The following DEFB132 variants were observed in gnomAD, a reference collection of about 807,000 sequenced individuals.
The protein encoded by DEFB132 is defensin beta 132.
A neutral mutation model predicts 2.5 loss-of-function variants in DEFB132; 5 were observed. The observed-to-expected ratio is 2.00, with a 90% confidence interval of 1.04 to 4.20. DEFB132 has a LOEUF of 4.20. Ranked by LOEUF, DEFB132 falls within the 30% of genes most tolerant of loss-of-function variation. The pLI is 0.00. For synonymous variants in DEFB132, 53 were observed against 46.2 expected (o/e 1.15, Z -0.60); for missense variants, 112 against 110.0 (o/e 1.02, Z -0.08).
At position 259,192 on chromosome 20, in the gene DEFB132, C is replaced by G. The variant is rs2011613464; in HGVS notation, c.174C>G (p.Ser58Arg). Reference sequence around the variant, plus strand: ...ACGCTTCCAGAAAATGCTGCATCAGCTACTCCTTCCTGCCGAAGCCTGACC... The same window carrying G: ...ACGCTTCCAGAAAATGCTGCATCAGGTACTCCTTCCTGCCGAAGCCTGACC... ...MCNASRKCCI[S>R]YSFLPKPDLP... Residue 58 changes from serine (S) to arginine (R), a missense_variant, in exon 2 of 2, where the codon AGC becomes AGG. Physicochemically the swap from Ser to Arg is moderately radical, Grantham distance 110 (BLOSUM62 -1). Coordinates refer to ENST00000382376, the MANE Select transcript of DEFB132 (RefSeq NM_207469.3). 1 of 1,613,744 alleles carries G rather than the reference C, an allele frequency of 6.2e-7. No individual in the cohort carries two copies. Among genetic ancestry groups the G allele is most frequent in the Non-Finnish European group, 8.5e-7 (1 of 1,179,840 alleles).
chr20:258,963 T>A, intron 1 of DEFB132, 114 bp from the exon 2 acceptor site: 1 of 1,005,090 alleles, frequency 9.9e-7, no homozygotes, highest in African/African-American at 1.6e-5. Context: ...TTGCACAACA[T>A]CCTAAGGATA....
Position 257,912 on chromosome 20 carries a change from T to C in DEFB132, c.58+76T>C. 5 of 1,487,238 alleles carry C rather than the reference T, an allele frequency of 3.4e-6. No individual in the cohort carries two copies. The South Asian group carries it at 3.6e-5, about 11-fold the overall frequency. The allele number at this position is 1,487,238 out of a possible 1,614,324, so 92.1% of individuals were successfully genotyped here. ...CATATCTGGTTGCTCTGGTGATAGA[T>C]GAGCCAGGTTGGGTGGAGGCAGGGC... On this transcript the variant is annotated intron_variant, in intron 1 of 1. Transcript: ENST00000382376.
chr20:260,457 A>G lies in DEFB132; in HGVS notation c.*1151A>G, dbSNP rs1227360183. On this transcript the variant is annotated 3_prime_UTR_variant, in exon 2 of 2. Transcript: ENST00000382376. Reference sequence around the variant, plus strand: ...ACATAATAACATTATTCAAAATTGCATTTATGCTATAGTTGTCAAAATTGT... The same window carrying G: ...ACATAATAACATTATTCAAAATTGCGTTTATGCTATAGTTGTCAAAATTGT... The G allele has an allele frequency of 1.3e-5, 2 of 152,260 alleles. No individual in the cohort carries two copies. The highest frequency in any genetic ancestry group is 2.9e-5 in the Non-Finnish European group (2 of 68,046). The allele number at this position is 152,260 out of a possible 1,614,324, so 9.4% of individuals were successfully genotyped here.
Position 259,434 on chromosome 20 carries a change from T to C in DEFB132, c.*128T>C. On this transcript the variant is annotated 3_prime_UTR_variant, in exon 2 of 2. Transcript: ENST00000382376. ...AGATATCTATAGCCAACCCCAAAAC[T>C]TCTGTCTTCTATCATTCTGTCATTC... 2 of 937,176 alleles carry C rather than the reference T, an allele frequency of 2.1e-6. No homozygotes were observed. Among genetic ancestry groups the C allele is most frequent in the Non-Finnish European group, 3.1e-6 (2 of 636,330 alleles). 58.1% of individuals were successfully genotyped at this position (937,176 alleles called of 1,614,324 possible).
intron 1 of DEFB132, 107 bp downstream of exon 1, chr20:257,943 C>A: frequency 2.8e-6 from 3 of 1,085,194 alleles, no homozygotes; most frequent in East Asian, 2.6e-5. Flanking sequence ...AGGGCTCACC[C>A]CACTGAGTTC....
rs761948106 is a variant in DEFB132, at chr20:259,060, T to C, written c.59-17T>C. 76 of 1,613,204 alleles carry C rather than the reference T, an allele frequency of 4.7e-5. No individual in the cohort carries two copies. Among genetic ancestry groups the C allele is most frequent in the Middle Eastern group, 1.7e-4 (1 of 5,962 alleles). ...GCTTCTAACCATGACTTCTCTGTCT[T>C]GTCCTCTCCCATACAGCCAGTGCAG... On this transcript the variant is annotated splice_polypyrimidine_tract_variant and intron_variant, in intron 1 of 1. Coordinates refer to ENST00000382376, the MANE Select transcript of DEFB132 (RefSeq NM_207469.3).
At position 260,261 on chromosome 20, in the gene DEFB132, C is replaced by G. The variant is rs937521447; in HGVS notation, c.*955C>G. 6.6e-6 allele frequency: 1 copy of G among 152,124 alleles called. No individual in the cohort carries two copies. The highest frequency in any genetic ancestry group is 2.4e-5 in the African/African-American group (1 of 41,400). 9.4% of individuals were successfully genotyped at this position (152,124 alleles called of 1,614,324 possible). ...TTGCTTAATCCACTAAACATTACTT[C>G]TGGGAATTGGCTCATCATAAATTAT... On this transcript the variant is annotated 3_prime_UTR_variant, in exon 2 of 2. Coordinates refer to ENST00000382376, the MANE Select transcript of DEFB132 (RefSeq NM_207469.3).
chr20:259,630 A>G lies in DEFB132; in HGVS notation c.*324A>G, dbSNP rs757218158. On this transcript the variant is annotated 3_prime_UTR_variant, in exon 2 of 2. Coordinates refer to ENST00000382376, the MANE Select transcript of DEFB132 (RefSeq NM_207469.3). ...CACCTCTGATGGACAAAGGTGAGAC[A>G]GAGCAGCCACAGGCAGGGAGAGCCT... 1 of 368,040 alleles carries G rather than the reference A, an allele frequency of 2.7e-6. No homozygotes were observed. Among genetic ancestry groups the G allele is most frequent in the Non-Finnish European group, 5.2e-6 (1 of 193,998 alleles). 22.8% of individuals were successfully genotyped at this position (368,040 alleles called of 1,614,324 possible).
In DEFB132 at chr20:260,769, T is replaced by C. The variant is rs1489380012; in HGVS notation, c.*1463T>C. 2.0e-5 allele frequency: 3 copies of C among 152,190 alleles called. No homozygotes were observed. The highest frequency in any genetic ancestry group is 4.4e-5 in the Non-Finnish European group (3 of 68,034). The allele number at this position is 152,190 out of a possible 1,614,324, so 9.4% of individuals were successfully genotyped here. ...TCTAGATGGTTTTAAAATGACAGTG[T>C]AAAAGTAAAGTATTAAAAGATTGTG... On this transcript the variant is annotated 3_prime_UTR_variant, in exon 2 of 2. Coordinates refer to ENST00000382376, the MANE Select transcript of DEFB132 (RefSeq NM_207469.3).
Position 259,800 on chromosome 20 carries a change from C to T in DEFB132, c.*494C>T, listed in dbSNP as rs1600177130. 2.3e-5 allele frequency: 4 copies of T among 176,684 alleles called. No homozygotes were observed. Among genetic ancestry groups the T allele is most frequent in the Non-Finnish European group, 4.8e-5 (4 of 82,942 alleles). The allele number at this position is 176,684 out of a possible 1,614,324, so 10.9% of individuals were successfully genotyped here. On this transcript the variant is annotated 3_prime_UTR_variant, in exon 2 of 2. Coordinates refer to ENST00000382376, the MANE Select transcript of DEFB132 (RefSeq NM_207469.3). ...AAGCAAGGCTTGCCCCTCAGAGGAGCTCACGCAGGGCAGGAATAGCCAGGT... is the reference window on the plus strand; with the variant it reads ...AAGCAAGGCTTGCCCCTCAGAGGAGTTCACGCAGGGCAGGAATAGCCAGGT...
rs529234994 is a variant in DEFB132 at position 260,205 on chromosome 20, T to C, written c.*899T>C. The C allele has an allele frequency of 6.6e-6, 1 of 152,218 alleles. No individual in the cohort carries two copies. Among genetic ancestry groups the C allele is most frequent in the African/African-American group, 2.4e-5 (1 of 41,456 alleles). 9.4% of individuals were successfully genotyped at this position (152,218 alleles called of 1,614,324 possible). A position where few individuals can be genotyped will look rare whatever the true frequency, so the allele number is the denominator to read the frequency against. ...GGCATAATCCTCTTGGGAAGCTGTGTGGAAATAAGCACAGAGAAGCAGAAC... is the reference window on the plus strand; with the variant it reads ...GGCATAATCCTCTTGGGAAGCTGTGCGGAAATAAGCACAGAGAAGCAGAAC... On this transcript the variant is annotated 3_prime_UTR_variant, in exon 2 of 2. Transcript: ENST00000382376.
chr20:259,079 A>C lies in DEFB132; in HGVS notation c.61A>C (p.Ser21Arg). 1 of 1,614,112 alleles carries C rather than the reference A, an allele frequency of 6.2e-7. No individual in the cohort carries two copies. The highest frequency in any genetic ancestry group is 8.5e-7 in the Non-Finnish European group (1 of 1,180,008). ...CTGTCTTGTCCTCTCCCATACAGCC[A>C]GTGCAGGTGGGTCAAAATGTGTGAG... Reference protein sequence around the residue: ...LGFLTQVIPASAGGSKCVSNT... With the variant: ...LGFLTQVIPARAGGSKCVSNT... Residue 21 changes from serine to arginine, a missense_variant and splice_region_variant, in exon 2 of 2, where the codon AGT becomes CGT. Transcript: ENST00000382376.
At chr20:258,764 C>G (rs1342010051) in intron 1 of DEFB132, among the ~76,000 whole-genome samples, 2 of 43,106 alleles carry the variant, frequency 4.6e-5, no homozygotes, top group Non-Finnish European at 1.6e-4. Context: ...AAGCTCCTCC[C>G]TGACCGTGAA....
At chr20:258,948 C>T in intron 1 of DEFB132, 129 bp from the exon 2 acceptor site, 1 of 872,354 alleles carries the variant, frequency 1.1e-6, no homozygotes, top group Non-Finnish European at 1.7e-6. Flanking sequence ...TTTCCCAAGT[C>T]TCATTTGCAC....
chr20:259,336 G>T lies in DEFB132; in HGVS notation c.*30G>T, dbSNP rs2011616848. The T allele has an allele frequency of 1.2e-6, 2 of 1,606,586 alleles. No individual in the cohort carries two copies. The highest frequency in any genetic ancestry group is 1.7e-6 in the Non-Finnish European group (2 of 1,175,590). On this transcript the variant is annotated 3_prime_UTR_variant, in exon 2 of 2. Transcript: ENST00000382376. ...CACTGCTATCGCCTCCACCAACTCA[G>T]AGAAATATCATTTCCACAGTTCCAA...
In DEFB132 at chr20:257,759, C is replaced by T. The variant is rs1276930684; in HGVS notation, c.-20C>T. 3.1e-6 allele frequency: 5 copies of T among 1,602,854 alleles called. No individual in the cohort carries two copies. Among genetic ancestry groups the T allele is most frequent in the Non-Finnish European group, 4.3e-6 (5 of 1,174,150 alleles). ...AACTCCATTAAACCACCACCAGCTCCCCAAGCCACCCCTTCAGCCATGAAG... is the reference window on the plus strand; with the variant it reads ...AACTCCATTAAACCACCACCAGCTCTCCAAGCCACCCCTTCAGCCATGAAG... On this transcript the variant is annotated 5_prime_UTR_variant, in exon 1 of 2. Coordinates refer to ENST00000382376, the MANE Select transcript of DEFB132 (RefSeq NM_207469.3).
Position 259,483 on chromosome 20 carries a change from G to C in DEFB132, c.*177G>C. 1 of 666,718 alleles carries C rather than the reference G, an allele frequency of 1.5e-6. No individual in the cohort carries two copies. The highest frequency in any genetic ancestry group is 2.5e-6 in the Non-Finnish European group (1 of 396,720). 41.3% of individuals were successfully genotyped at this position (666,718 alleles called of 1,614,324 possible). A position where few individuals can be genotyped will look rare whatever the true frequency, so the allele number is the denominator to read the frequency against. On this transcript the variant is annotated 3_prime_UTR_variant, in exon 2 of 2. Transcript: ENST00000382376. ...TCATCTAGTAACTAATTTGGAGTTT[G>C]TATCTATCTTACGAGAACAATCATC...
chr20:259,331 A>C lies in DEFB132; in HGVS notation c.*25A>C. 6.2e-7 allele frequency: 1 copy of C among 1,608,136 alleles called. No individual in the cohort carries two copies. Among genetic ancestry groups the C allele is most frequent in the Non-Finnish European group, 8.5e-7 (1 of 1,176,240 alleles). ...ATAACCACTGCTATCGCCTCCACCA[A>C]CTCAGAGAAATATCATTTCCACAGT... On this transcript the variant is annotated 3_prime_UTR_variant, in exon 2 of 2. Coordinates refer to ENST00000382376, the MANE Select transcript of DEFB132 (RefSeq NM_207469.3).
At chr20:257,895 G>T in intron 1 of DEFB132, 59 bp downstream of exon 1, 1 of 1,557,542 alleles carries the variant, frequency 6.4e-7, no homozygotes, top group Non-Finnish European at 8.8e-7. Context: ...AGCATATCTG[G>T]TTGCTCTGGT....
Sources: allele counts gnomAD v4.1 joint callset (sites outside exome capture counted in the v4.1 genomes callset), GRCh38; gene constraint gnomAD v4.1.1; transcripts MANE v1.5; gene names NCBI Gene and HGNC (gene_info 2026-07-23, HGNC 2026-07-21).